Variants in MEOX2 observed in about 807,000 individuals in gnomAD.
The protein encoded by MEOX2 is homeobox protein MOX-2.
Under a neutral mutation model 27.0 loss-of-function variants are expected in MEOX2, and 11 were observed. The observed-to-expected ratio is 0.41, with a 90% CI of 0.26 to 0.68. MEOX2 has a LOEUF of 0.68. Ranked by LOEUF, MEOX2 falls within the 30% of genes least tolerant of loss-of-function variation. The pLI is 0.33. For missense variants in MEOX2, 436 were observed against 385.4 expected (o/e 1.13, Z -1.10); for synonymous variants, 189 against 155.4 (o/e 1.22, Z -1.61).
At chr7:15,613,418 T>C (rs1159693825) in intron 2 of MEOX2, among the ~76,000 whole-genome samples, 1 of 151,190 alleles carries the variant, frequency 6.6e-6, no homozygotes, top group East Asian at 1.9e-4. Flanking sequence ...AAACAGACAT[T>C]AAAGGTCTAT....
intron 1 of MEOX2, among the ~76,000 whole-genome samples, chr7:15,640,521 C>A (rs1187356642): frequency 6.6e-6 from 1 of 151,976 alleles, no homozygotes; most frequent in African/African-American, 2.4e-5. Flanking sequence ...CCTTTTGTTT[C>A]TTTCGCTTGC....
chr7:15,626,720 C>G (rs1781314254), intron 2 of MEOX2, 26 bp downstream of exon 2: 1 of 1,567,336 alleles, frequency 6.4e-7, no homozygotes, highest in Non-Finnish European at 8.7e-7. Context: ...TAAAAAAGAT[C>G]ATATAATGAT....
chr7:15,645,516 A>G (rs1362122118), intron 1 of MEOX2, among the ~76,000 whole-genome samples: 2 of 152,174 alleles, frequency 1.3e-5, no homozygotes, highest in African/African-American at 4.8e-5. Flanking sequence ...TTTTTCTTTT[A>G]AGATGGATGT....
intron 1 of MEOX2, among the ~76,000 whole-genome samples, chr7:15,657,875 A>C (rs2115381450): frequency 6.6e-6 from 1 of 152,274 alleles, no homozygotes; most frequent in East Asian, 1.9e-4. Flanking sequence ...CTGCTGTGAT[A>C]GTGAGGGAAT....
chr7:15,668,673 A>G (rs1782048600), intron 1 of MEOX2, among the ~76,000 whole-genome samples: 1 of 151,958 alleles, frequency 6.6e-6, no homozygotes, highest in African/African-American at 2.4e-5. Flanking sequence ...ATGGGGTTTC[A>G]CCATGTTGGT....
chr7:15,624,169 C>A (rs1781261705), intron 2 of MEOX2, among the ~76,000 whole-genome samples: 1 of 152,120 alleles, frequency 6.6e-6, no homozygotes, highest in Non-Finnish European at 1.5e-5. Context: ...TTTTTCATAA[C>A]AATTAAATTC....
intron 1 of MEOX2, among the ~76,000 whole-genome samples, chr7:15,675,358 A>G (rs1447876359): frequency 1.3e-5 from 2 of 152,228 alleles, no homozygotes; most frequent in African/African-American, 4.8e-5. Flanking sequence ...ATGAAATCAG[A>G]TTCTGGGAGA....
chr7:15,654,942 G>C (rs974297582), intron 1 of MEOX2, among the ~76,000 whole-genome samples: 18 of 151,704 alleles, frequency 1.2e-4, no homozygotes, highest in African/African-American at 4.3e-4. Context: ...TTTTCTGGAA[G>C]AGATTGTATA....
chr7:15,672,748 C>G (rs991916462), intron 1 of MEOX2, among the ~76,000 whole-genome samples: 1 of 151,562 alleles, frequency 6.6e-6, no homozygotes, highest in African/African-American at 2.4e-5. Flanking sequence ...AAAAATTAGC[C>G]GGGTATGGTG....
intron 2 of MEOX2, among the ~76,000 whole-genome samples, chr7:15,617,980 A>T (rs1225808010): frequency 6.6e-6 from 1 of 152,106 alleles, no homozygotes; most frequent in African/African-American, 2.4e-5. Flanking sequence ...GGGGCAACAG[A>T]TTAAATTCCC....
Position 15,631,933 on chromosome 7 carries a change from G to GTGTGTGTGTGTGTGTGTGTGTGTGTGT in MEOX2, c.518-5016_518-5015insACACACACACACACACACACACACACA, listed in dbSNP as rs66500166. On this transcript the variant is annotated intron_variant, in intron 1 of 2. Coordinates refer to ENST00000262041, the MANE Select transcript of MEOX2 (RefSeq NM_005924.5). ...GTGTGTGTGTGTGTGTGTGTGTGTGGAGAGAAAGAGAGAGAGAGAGGAGAA... is the reference window on the plus strand; with the variant it reads ...GTGTGTGTGTGTGTGTGTGTGTGTGGTGTGTGTGTGTGTGTGTGTGTGTGTGTAGAGAAAGAGAGAGAGAGAGGAGAA... 6.4e-3 allele frequency among the ~76,000 whole-genome samples: 209 copies of GTGTGTGTGTGTGTGTGTGTGTGTGTGT among 32,456 alleles called. 2 individuals carry two copies. The highest frequency in any genetic ancestry group is 0.012 in the African/African-American group (198 of 17,184). The allele number at this position is 32,456 out of a possible 152,430, so 21.3% of individuals were successfully genotyped here.
At chr7:15,641,059 C>T (rs1421445864) in intron 1 of MEOX2, among the ~76,000 whole-genome samples, 3 of 151,998 alleles carry the variant, frequency 2.0e-5, no homozygotes, top group Non-Finnish European at 4.4e-5. Flanking sequence ...GGAAACTCTC[C>T]TCCTTGATTT....
At chr7:15,672,897 A>C (rs1162383887) in intron 1 of MEOX2, among the ~76,000 whole-genome samples, 4 of 86,410 alleles carry the variant, frequency 4.6e-5, no homozygotes, top group African/African-American at 1.2e-4. Flanking sequence ...GTCTTGAAAA[A>C]AAAAAAAAGA....
At chr7:15,632,671 G>A (rs2115364789) in intron 1 of MEOX2, among the ~76,000 whole-genome samples, 1 of 151,982 alleles carries the variant, frequency 6.6e-6, no homozygotes, top group East Asian at 1.9e-4. Context: ...CGTCAAATTT[G>A]ACACAGATTT....
At chr7:15,668,780 G>A (rs898057676) in intron 1 of MEOX2, among the ~76,000 whole-genome samples, 1 of 152,022 alleles carries the variant, frequency 6.6e-6, no homozygotes, top group Non-Finnish European at 1.5e-5. Flanking sequence ...CTGGCCAGTA[G>A]TTACGTTTTA....
At chr7:15,658,582 CA>C (rs1781861743) in intron 1 of MEOX2, among the ~76,000 whole-genome samples, 1 of 152,078 alleles carries the variant, frequency 6.6e-6, no homozygotes, top group South Asian at 2.1e-4. Context: ...TGTTATGGAC[CA>C]AAAGTTTGTA....
chr7:15,682,875 A>C (rs1485137406), intron 1 of MEOX2, among the ~76,000 whole-genome samples: 2 of 151,986 alleles, frequency 1.3e-5, no homozygotes, highest in African/African-American at 4.8e-5. Flanking sequence ...ATAATGCTGG[A>C]AAGCGTAGCA....
chr7:15,679,952 T>C (rs1782266287), intron 1 of MEOX2: 2 of 151,868 alleles, frequency 1.3e-5, no homozygotes, highest in Middle Eastern at 3.2e-3. Flanking sequence ...AAAAATACAG[T>C]GCACAATTAG....
chr7:15,650,975 C>G (rs1362662602), intron 1 of MEOX2, among the ~76,000 whole-genome samples: 1 of 151,862 alleles, frequency 6.6e-6, no homozygotes, highest in African/African-American at 2.4e-5. Context: ...CACAAGTGAA[C>G]AGAAGACTGA....
Sources: allele counts gnomAD v4.1 joint callset (sites outside exome capture counted in the v4.1 genomes callset), GRCh38; gene constraint gnomAD v4.1.1; transcripts MANE v1.5; gene names NCBI Gene and HGNC (gene_info 2026-07-23, HGNC 2026-07-21).